ALMS1: variants seen among roughly 807,000 people sequenced by gnomAD.
ALMS1 encodes the protein centrosome-associated protein ALMS1.
Under a neutral mutation model 352.2 loss-of-function variants are expected in ALMS1, and 271 were observed. The ratio of observed to expected loss-of-function variants is 0.77; its 90% CI spans 0.70 to 0.85. ALMS1 has a LOEUF of 0.85. Among genes scored for constraint, ALMS1 ranks in the 40% least tolerant of loss-of-function variants. The pLI, the probability that ALMS1 is intolerant of heterozygous loss-of-function variation, is 0.00. For missense variants in ALMS1, 5,445 were observed against 4,870.7 expected (o/e 1.12, Z -3.51); for synonymous variants, 1,865 against 1,761.2 (o/e 1.06, Z -1.48).
intron 12 of ALMS1, among the ~76,000 whole-genome samples, chr2:73,543,109 C>T (rs928014364): frequency 6.6e-6 from 1 of 152,190 alleles, no homozygotes; most frequent in Non-Finnish European, 1.5e-5. Flanking sequence ...TACCTGACTT[C>T]AAACTATACT....
intron 12 of ALMS1, among the ~76,000 whole-genome samples, chr2:73,538,477 T>G (rs1384252831): frequency 6.6e-6 from 1 of 152,102 alleles, no homozygotes; most frequent in African/African-American, 2.4e-5. Context: ...AAACGAATGA[T>G]TTCTGCATTT....
intron 11 of ALMS1, 103 bp downstream of exon 11, chr2:73,520,119 A>G: frequency 6.9e-7 from 1 of 1,457,006 alleles, no homozygotes. Flanking sequence ...CCTAATTTTA[A>G]TTTAAGAATT....
chr2:73,461,576 C>T (rs949071881), intron 9 of ALMS1, among the ~76,000 whole-genome samples: 3 of 152,154 alleles, frequency 2.0e-5, no homozygotes, highest in Non-Finnish European at 4.4e-5. Context: ...AACGCAGCTC[C>T]TCAGCAGCAA....
intron 21 of ALMS1, among the ~76,000 whole-genome samples, chr2:73,607,909 A>T (rs1379743912): frequency 6.8e-6 from 1 of 146,206 alleles, no homozygotes; most frequent in East Asian, 2.0e-4. Flanking sequence ...TGATCCACCC[A>T]CCTCAGCCTC....
rs779040780 is a variant in ALMS1 at position 73,557,297 on chromosome 2, G to A, written c.10156G>A (p.Ala3386Thr). 1 of 1,614,136 alleles carries A rather than the reference G, an allele frequency of 6.2e-7. No homozygotes were observed. The highest frequency in any genetic ancestry group is 1.1e-5 in the South Asian group (1 of 91,082). Residue 3386 changes from alanine (A) to threonine (T), a missense_variant, in exon 14 of 23, where the codon GCA (alanine) becomes ACA (threonine). By Grantham distance (58) the Ala-to-Thr change is moderately conservative. Transcript: ENST00000613296. ...ACAGCAAGAGATTCACAGTACAAGG[G>A]CAGTGACTGAGGCTGCCCAGGCTAA... ...KKQQEIHSTRAVTEAAQAKEK... is the reference protein window; with the variant it reads ...KKQQEIHSTRTVTEAAQAKEK...
At chr2:73,442,720 G>C (rs192654795) in intron 7 of ALMS1, among the ~76,000 whole-genome samples, 16 of 152,280 alleles carry the variant, frequency 1.1e-4, no homozygotes, top group African/African-American at 3.8e-4. Context: ...CTTTGTGCAA[G>C]AAAGGATTTT....
chr2:73,594,724 C>G (rs1369191347), intron 16 of ALMS1, among the ~76,000 whole-genome samples: 3 of 152,204 alleles, frequency 2.0e-5, no homozygotes, highest in Non-Finnish European at 2.9e-5. Flanking sequence ...CCCAGAGCTG[C>G]TCTCTGAAGG....
intron 9 of ALMS1, among the ~76,000 whole-genome samples, chr2:73,457,762 G>A (rs1031347754): frequency 7.2e-5 from 11 of 152,038 alleles, no homozygotes; most frequent in African/African-American, 2.7e-4. Context: ...GCTGGGCGCG[G>A]TGGCTCATGC....
chr2:73,529,105 G>T (rs1408284714), intron 11 of ALMS1, among the ~76,000 whole-genome samples: 5 of 140,104 alleles, frequency 3.6e-5, no homozygotes, highest in African/African-American at 1.3e-4. Context: ...GTACAGTGGT[G>T]CAGTCTCAGC....
At chr2:73,608,862 C>T (rs980491711) in intron 22 of ALMS1, among the ~76,000 whole-genome samples, 3 of 152,176 alleles carry the variant, frequency 2.0e-5, no homozygotes, top group Non-Finnish European at 4.4e-5. Context: ...GGTAGAAATA[C>T]CAGAATTATC....
intron 7 of ALMS1, among the ~76,000 whole-genome samples, chr2:73,438,299 A>G (rs921611505): frequency 2.0e-5 from 3 of 152,196 alleles, no homozygotes; most frequent in Non-Finnish European, 4.4e-5. Context: ...GTCCTATTTT[A>G]TAACAAGCAG....
intron 6 of ALMS1, among the ~76,000 whole-genome samples, chr2:73,431,745 AT>A (rs1277832981): frequency 2.6e-5 from 4 of 152,144 alleles, no homozygotes; most frequent in South Asian, 2.1e-4. Context: ...TTTCTAGAAA[AT>A]ATTCCTGTTT....
intron 7 of ALMS1, among the ~76,000 whole-genome samples, chr2:73,441,782 T>C (rs565037184): frequency 6.6e-6 from 1 of 152,212 alleles, no homozygotes; most frequent in Admixed American, 6.5e-5. Flanking sequence ...CCTTTCAGTT[T>C]TTTTTTTGTC....
At chr2:73,492,703 G>A (rs1055582840) in intron 10 of ALMS1, among the ~76,000 whole-genome samples, 1 of 152,168 alleles carries the variant, frequency 6.6e-6, no homozygotes, top group Non-Finnish European at 1.5e-5. Context: ...TGATTTCAAT[G>A]TTAAAAATAG....
At chr2:73,540,778 G>A (rs1674158512) in intron 12 of ALMS1, among the ~76,000 whole-genome samples, 1 of 152,064 alleles carries the variant, frequency 6.6e-6, no homozygotes, top group African/African-American at 2.4e-5. Context: ...AGGCAGAGAA[G>A]GCCATTACAT....
At chr2:73,580,985 C>G (rs1333822388) in intron 16 of ALMS1, among the ~76,000 whole-genome samples, 1 of 152,222 alleles carries the variant, frequency 6.6e-6, no homozygotes, top group African/African-American at 2.4e-5. Flanking sequence ...AACTCTCTGC[C>G]TTAGCCTTGC....
In ALMS1 at chr2:73,490,736, A is replaced by G; in HGVS notation, c.8777A>G (p.Gln2926Arg). The G allele has an allele frequency of 6.2e-7, 1 of 1,614,184 alleles. No individual in the cohort carries two copies. The highest frequency in any genetic ancestry group is 8.5e-7 in the Non-Finnish European group (1 of 1,180,034). The part of the protein sequence containing the change: ...PDLPSCIFLE[Q>R]RELFEQCKAP... ...CTTCCTTCTTGCATTTTTCTTGAAC[A>G]ACGAGAACTCTTTGAACAGTGCAAA... The change falls in exon 10 of 23, where the codon CAA becomes CGA. Residue 2926 changes from glutamine (Q) to arginine (R), a missense_variant. Transcript: ENST00000613296.
At chr2:73,438,236 TCCCTTGATATTAGTTGC>T (rs1671644746) in intron 7 of ALMS1, among the ~76,000 whole-genome samples, 1 of 152,204 alleles carries the variant, frequency 6.6e-6, no homozygotes, top group South Asian at 2.1e-4. Context: ...ATTGAAATGG[TCCCTTGATATTAGTTGC>T]CCTGATTTCT....
intron 16 of ALMS1, among the ~76,000 whole-genome samples, chr2:73,593,051 T>C (rs1675464802): frequency 6.6e-6 from 1 of 151,974 alleles, no homozygotes; most frequent in Non-Finnish European, 1.5e-5. Flanking sequence ...ATGTGTCAGC[T>C]CCATTGCAGA....
Sources: gnomAD v4.1 joint callset for allele counts (sites outside exome capture counted in the v4.1 genomes callset) on GRCh38, gnomAD v4.1.1 for gene constraint, MANE v1.5 for transcripts, NCBI Gene and HGNC (gene_info 2026-07-23, HGNC 2026-07-21) for gene names.